LRCH1: variants seen among roughly 807,000 people sequenced by gnomAD.
LRCH1 encodes leucine-rich repeat and calponin homology domain-containing protein 1.
A neutral mutation model predicts 94.9 loss-of-function variants in LRCH1; 23 were observed. The observed-to-expected ratio is 0.24, with a 90% CI of 0.17 to 0.34. The LOEUF is 0.34. LRCH1 is among the 10% of genes least tolerant of loss of function. The pLI, the probability that LRCH1 is intolerant of heterozygous loss-of-function variation, is 1.00. For missense variants in LRCH1, 790 were observed against 945.9 expected (o/e 0.84, Z 2.16); for synonymous variants, 364 against 354.9 (o/e 1.03, Z -0.29).
At chr13:46,560,411 G>C (rs758623546) in intron 1 of LRCH1, among the ~76,000 whole-genome samples, 1 of 152,130 alleles carries the variant, frequency 6.6e-6, no homozygotes. Context: ...TTGAACGTCT[G>C]TCTTGGATAT....
chr13:46,664,623 A>G (rs902873090), intron 2 of LRCH1, among the ~76,000 whole-genome samples: 3 of 152,204 alleles, frequency 2.0e-5, no homozygotes, highest in Admixed American at 6.5e-5. Flanking sequence ...TAAAGAAGGT[A>G]TCGTTGTCAT....
intron 2 of LRCH1, among the ~76,000 whole-genome samples, chr13:46,659,395 G>A (rs1432945015): frequency 6.6e-6 from 1 of 152,062 alleles, no homozygotes; most frequent in Admixed American, 6.6e-5. Flanking sequence ...GTTTCACCAT[G>A]TTGGCCAGGC....
intron 17 of LRCH1, among the ~76,000 whole-genome samples, chr13:46,727,817 G>T (rs1481969933): frequency 6.6e-6 from 1 of 152,120 alleles, no homozygotes; most frequent in Non-Finnish European, 1.5e-5. Flanking sequence ...TATGAATCTA[G>T]AATTATCTCA....
At chr13:46,699,657 GA>G (rs556491989) in intron 10 of LRCH1, among the ~76,000 whole-genome samples, 6 of 152,284 alleles carry the variant, frequency 3.9e-5, no homozygotes, top group African/African-American at 1.4e-4. Flanking sequence ...TGATTTCAGA[GA>G]ATTAGCTAGA....
intron 1 of LRCH1, among the ~76,000 whole-genome samples, chr13:46,625,437 A>AT (rs2138033016): frequency 1.3e-5 from 2 of 152,260 alleles, no homozygotes; most frequent in South Asian, 4.1e-4. Context: ...TGGAGCCCAC[A>AT]TGAATGGGAT....
chr13:46,715,533 C>T (rs768541681), intron 15 of LRCH1, 27 bp from the exon 16 acceptor site: 15 of 1,363,852 alleles, frequency 1.1e-5, no homozygotes, highest in African/African-American at 1.4e-5. Flanking sequence ...CAACTGTACG[C>T]GGACTGGCTC....
At chr13:46,585,542 G>A (rs2050424099) in intron 1 of LRCH1, among the ~76,000 whole-genome samples, 1 of 127,850 alleles carries the variant, frequency 7.8e-6, no homozygotes, top group African/African-American at 3.2e-5. Context: ...GACAGAGCGA[G>A]ACTGCATCTC....
intron 1 of LRCH1, among the ~76,000 whole-genome samples, chr13:46,634,124 C>T (rs1002621786): frequency 6.6e-6 from 1 of 152,098 alleles, no homozygotes; most frequent in South Asian, 2.1e-4. Flanking sequence ...GTGATCTGCC[C>T]GCCTCAGCCT....
intron 8 of LRCH1, 134 bp downstream of exon 8, chr13:46,692,775 G>A (rs1431580835): frequency 1.6e-6 from 1 of 632,074 alleles, no homozygotes; most frequent in Non-Finnish European, 2.7e-6. Context: ...GTGTTCTTCT[G>A]GGAAGTTGAG....
intron 1 of LRCH1, among the ~76,000 whole-genome samples, chr13:46,590,520 C>T (rs2050487200): frequency 6.6e-6 from 1 of 152,128 alleles, no homozygotes; most frequent in Non-Finnish European, 1.5e-5. Flanking sequence ...CTCTTCTTGG[C>T]CAGGCGTGGT....
Position 46,681,864 on chromosome 13 carries a change from A to G in LRCH1, c.685+18A>G, listed in dbSNP as rs1356362484. 2 of 1,442,096 alleles carry G rather than the reference A, an allele frequency of 1.4e-6. No homozygotes were observed. The highest frequency in any genetic ancestry group is 1.4e-5 in the African/African-American group (1 of 71,096). 89.3% of individuals were successfully genotyped at this position (1,442,096 alleles called of 1,614,324 possible). A position where few individuals can be genotyped will look rare whatever the true frequency, so the allele number is the denominator to read the frequency against. On this transcript the variant is annotated intron_variant, in intron 4 of 19. Coordinates refer to ENST00000389797, the MANE Select transcript of LRCH1 (RefSeq NM_001164211.2). ...ACCACAAGGTAAAAAAGAAAGAGGG[A>G]AAATGAAGAAAATGGGAGACTTGCA...
At chr13:46,589,900 AT>A (rs113727855) in intron 1 of LRCH1, among the ~76,000 whole-genome samples, 5,028 of 134,274 alleles carry the variant, frequency 0.037, 213 homozygotes, top group African/African-American at 0.11. Context: ...TGTGCCTGGG[AT>A]TTTTTTTTTT....
chr13:46,710,746 A>G (rs981690687), intron 13 of LRCH1, among the ~76,000 whole-genome samples: 3 of 152,220 alleles, frequency 2.0e-5, no homozygotes, highest in Admixed American at 1.3e-4. Flanking sequence ...AGGAACAGGC[A>G]TCTTAAATGT....
chr13:46,600,166 C>T (rs933560333), intron 1 of LRCH1, among the ~76,000 whole-genome samples: 3 of 152,062 alleles, frequency 2.0e-5, no homozygotes, highest in Non-Finnish European at 4.4e-5. Context: ...GGATTACAGG[C>T]GTGAGCCACC....
chr13:46,680,649 G>A (rs2051738169), intron 3 of LRCH1, among the ~76,000 whole-genome samples: 1 of 152,248 alleles, frequency 6.6e-6, no homozygotes, highest in African/African-American at 2.4e-5. Context: ...AAAACTGCCA[G>A]AAGCAGTAAC....
chr13:46,585,196 T>G (rs2050417209), intron 1 of LRCH1, among the ~76,000 whole-genome samples: 1 of 152,242 alleles, frequency 6.6e-6, no homozygotes, highest in South Asian at 2.1e-4. Flanking sequence ...GTAGAATTTC[T>G]TACCTGTATT....
intron 1 of LRCH1, among the ~76,000 whole-genome samples, chr13:46,643,905 T>C (rs2138067797): frequency 6.6e-6 from 1 of 152,350 alleles, no homozygotes; most frequent in South Asian, 2.1e-4. Flanking sequence ...TACTTTCCTT[T>C]TTTATCCATG....
rs990065793 is a variant in LRCH1, at chr13:46,743,935, T to C, written c.*2087T>C. 1.3e-5 allele frequency: 13 copies of C among 985,332 alleles called. No homozygotes were observed. Among genetic ancestry groups the C allele is most frequent in the Non-Finnish European group, 1.6e-5 (13 of 829,936 alleles). 61.0% of individuals were successfully genotyped at this position (985,332 alleles called of 1,614,324 possible). On this transcript the variant is annotated 3_prime_UTR_variant, in exon 20 of 20. Coordinates refer to ENST00000389797, the MANE Select transcript of LRCH1 (RefSeq NM_001164211.2). ...TGGACGCACTTTGATTTTTTTTGTGTCATTAATTTGTCTGTACTCTGCTGC... is the reference window on the plus strand; with the variant it reads ...TGGACGCACTTTGATTTTTTTTGTGCCATTAATTTGTCTGTACTCTGCTGC...
intron 17 of LRCH1, among the ~76,000 whole-genome samples, chr13:46,725,618 GATTAA>G (rs1472387213): frequency 2.6e-5 from 4 of 152,170 alleles, no homozygotes; most frequent in Admixed American, 6.5e-5. Flanking sequence ...ACAAAATTTA[GATTAA>G]ATTAAATTAG....
Sources: gnomAD v4.1 joint callset for allele counts (sites outside exome capture counted in the v4.1 genomes callset) on GRCh38, gnomAD v4.1.1 for gene constraint, MANE v1.5 for transcripts, NCBI Gene and HGNC (gene_info 2026-07-23, HGNC 2026-07-21) for gene names.